Variants in ARHGAP23 observed in about 807,000 individuals in gnomAD.
ARHGAP23 encodes Rho GTPase activating protein 23, also known as rho GTPase-activating protein 23.
ARHGAP23 carries 34 observed loss-of-function variants against 136.3 expected under a neutral mutation model. That is an observed-to-expected ratio of 0.25 (90% CI 0.19 to 0.33). ARHGAP23 has a LOEUF of 0.33. Among genes scored for constraint, ARHGAP23 ranks in the 10% least tolerant of loss-of-function variants. The pLI is 1.00. For missense variants in ARHGAP23, 1,808 were observed against 2,139.0 expected (o/e 0.85, Z 3.05); for synonymous variants, 832 against 920.5 (o/e 0.90, Z 1.74).
intron 20 of ARHGAP23, among the ~76,000 whole-genome samples, chr17:38,496,415 A>C (rs2040394540): frequency 6.6e-6 from 1 of 152,128 alleles, no homozygotes; most frequent in South Asian, 2.1e-4. Flanking sequence ...TCAAGGGTAC[A>C]GTGAGCTAGG....
intron 20 of ARHGAP23, 176 bp downstream of exon 20, chr17:38,491,708 A>G: frequency 1.2e-6 from 1 of 811,938 alleles, no homozygotes; most frequent in South Asian, 1.9e-5. Flanking sequence ...ATTTCAAGGC[A>G]AGGCAGGAAT....
Position 38,510,295 on chromosome 17 carries a change from C to T in ARHGAP23, c.3799C>T (p.Arg1267Trp). ...DRSVCSGASG[R>W]RAGAGDEADD... ...CAGCGTGTGCTCGGGCGCTAGCGGT[C>T]GGCGGGCAGGGGCGGGGGATGAGGC... Residue 1267 changes from arginine (R) to tryptophan (W), a missense_variant, in exon 24 of 24, where the codon CGG (arginine) becomes TGG (tryptophan). Physicochemically the swap from Arg to Trp is moderately radical, Grantham distance 101. Around this residue, in one of 7 missense-constraint regions of ARHGAP23, gnomAD observed 506 missense variants for 455.8 expected, o/e 1.11. Coordinates refer to ENST00000622683, the MANE Select transcript of ARHGAP23 (RefSeq NM_001199417.2). This position sits in a 1 kb window ranked among gnomAD's most constrained non-coding sequence, Gnocchi z 4.6. The T allele has an allele frequency of 3.1e-6, 4 of 1,285,356 alleles. No individual in the cohort carries two copies. The highest frequency in any genetic ancestry group is 3.9e-6 in the Non-Finnish European group (4 of 1,015,830). 79.6% of individuals were successfully genotyped at this position (1,285,356 alleles called of 1,614,324 possible).
chr17:38,446,682 G>T (rs998409725), intron 1 of ARHGAP23, among the ~76,000 whole-genome samples: 12 of 151,234 alleles, frequency 7.9e-5, no homozygotes, highest in African/African-American at 2.9e-4. Context: ...CGCGCTCTTG[G>T]CTCACTGCAA....
At chr17:38,436,751 T>A (rs1427631513) in intron 1 of ARHGAP23, among the ~76,000 whole-genome samples, 1 of 152,170 alleles carries the variant, frequency 6.6e-6, no homozygotes, top group Non-Finnish European at 1.5e-5. Context: ...AGGGGCCCCC[T>A]GCCAAAAATA....
upstream of ARHGAP23, chr17:38,428,373 C>A: frequency 2.8e-6 from 1 of 357,504 alleles, no homozygotes; most frequent in Non-Finnish European, 4.5e-6. Flanking sequence ...GGGGGCGGAC[C>A]CCGGGGGGGG....
At chr17:38,439,031 C>A (rs1181828895) in intron 1 of ARHGAP23, among the ~76,000 whole-genome samples, 1 of 151,728 alleles carries the variant, frequency 6.6e-6, no homozygotes, top group East Asian at 1.9e-4. Flanking sequence ...CAAAAATTAG[C>A]TGGGTGTAGT....
intron 6 of ARHGAP23, 23 bp from the exon 7 acceptor site, chr17:38,466,144 C>T: frequency 1.4e-6 from 2 of 1,456,894 alleles, no homozygotes; most frequent in South Asian, 1.4e-5. Flanking sequence ...GCCCTGCTTA[C>T]CTGTCTCTGT....
chr17:38,464,080 C>T (rs1035896617), intron 6 of ARHGAP23, among the ~76,000 whole-genome samples: 1 of 152,190 alleles, frequency 6.6e-6, no homozygotes, highest in Non-Finnish European at 1.5e-5. Context: ...CACAACTACA[C>T]ACCCACGCCG....
intron 16 of ARHGAP23, among the ~76,000 whole-genome samples, chr17:38,483,366 A>G (rs1430214121): frequency 6.6e-6 from 1 of 152,240 alleles, no homozygotes; most frequent in South Asian, 2.1e-4. Context: ...CTGTGAAGGG[A>G]TCTGCAATCA....
intron 6 of ARHGAP23, among the ~76,000 whole-genome samples, chr17:38,464,634 C>T (rs1164042688): frequency 6.6e-6 from 1 of 152,236 alleles, no homozygotes. Context: ...TCTCAAGGCC[C>T]TGCCTGTACA....
intron 6 of ARHGAP23, among the ~76,000 whole-genome samples, chr17:38,465,847 G>A (rs530506209): frequency 1.3e-5 from 2 of 152,120 alleles, no homozygotes; most frequent in South Asian, 2.1e-4. Context: ...GCAGGCAGGC[G>A]GTGGAGGCCA....
intron 1 of ARHGAP23, among the ~76,000 whole-genome samples, chr17:38,456,579 G>A (rs1433290062): frequency 6.6e-6 from 1 of 152,168 alleles, no homozygotes; most frequent in African/African-American, 2.4e-5. Flanking sequence ...TGGACTAGGG[G>A]CAACATAGAG....
In ARHGAP23 at chr17:38,510,052, G is replaced by A; in HGVS notation, c.3556G>A (p.Gly1186Ser). Residue 1186 changes from glycine to serine, a missense_variant, in exon 24 of 24, where the codon GGC becomes AGC. Physicochemically the swap from Gly to Ser is moderately conservative, Grantham distance 56 (BLOSUM62 0). Transcript: ENST00000622683. This position sits in a 1 kb window ranked among gnomAD's most constrained non-coding sequence, Gnocchi z 4.6. Reference protein sequence around the residue: ...RKKRREARGLGSSTDDDSEQE... With the variant: ...RKKRREARGLSSSTDDDSEQE... ...GAAGCGGCGGGAGGCGCGGGGGCTG[G>A]GCAGCAGCACCGACGACGACTCGGA... 1 of 1,243,094 alleles carries A rather than the reference G, an allele frequency of 8.0e-7. No individual in the cohort carries two copies. Among genetic ancestry groups the A allele is most frequent in the Non-Finnish European group, 1.0e-6 (1 of 994,612 alleles). 77.0% of individuals were successfully genotyped at this position (1,243,094 alleles called of 1,614,324 possible).
chr17:38,464,232 CAG>C (rs921376218), intron 6 of ARHGAP23, among the ~76,000 whole-genome samples: 2 of 152,224 alleles, frequency 1.3e-5, no homozygotes, highest in African/African-American at 4.8e-5. Context: ...GCCTGCCACA[CAG>C]AGAGCGTGGC....
chr17:38,428,534 C>T lies in ARHGAP23; in HGVS notation c.49C>T (p.Pro17Ser), dbSNP rs1461422980. The change falls in exon 1 of 24, where the codon CCC becomes TCC. Residue 17 changes from proline (P) to serine (S), a missense_variant. By Grantham distance (74) the Pro-to-Ser change is moderately conservative (BLOSUM62 -1). Around this residue, in one of 7 missense-constraint regions of ARHGAP23, gnomAD observed 859 missense variants for 936.4 expected, o/e 0.92. Coordinates refer to ENST00000622683, the MANE Select transcript of ARHGAP23 (RefSeq NM_001199417.2). The stretch of plus-strand genomic sequence containing the variant: ...GGTCGGGATCCCGCCCCGCCCGGAG[C>T]CCCGGCCCCCACAGGTGAGGGTGCT... ...CLVGIPPRPE[P>S]RPPQLPLGPR... 6.9e-7 allele frequency: 1 copy of T among 1,452,390 alleles called. No homozygotes were observed. The highest frequency in any genetic ancestry group is 9.0e-7 in the Non-Finnish European group (1 of 1,105,474). The allele number at this position is 1,452,390 out of a possible 1,614,324, so 90.0% of individuals were successfully genotyped here.
At chr17:38,422,296 A>G (rs903681265) in intron 1 of ARHGAP23, among the ~76,000 whole-genome samples, 1 of 152,192 alleles carries the variant, frequency 6.6e-6, no homozygotes, top group African/African-American at 2.4e-5. Context: ...GTTTATAAAG[A>G]GCTTGGCACA....
intron 1 of ARHGAP23, among the ~76,000 whole-genome samples, chr17:38,432,497 T>A (rs937285301): frequency 6.6e-6 from 1 of 152,094 alleles, no homozygotes. Context: ...CTGGCCAACA[T>A]GGTGAAACAC....
intron 1 of ARHGAP23, among the ~76,000 whole-genome samples, chr17:38,434,139 T>C (rs2038742256): frequency 1.3e-5 from 2 of 152,126 alleles, no homozygotes; most frequent in Non-Finnish European, 1.5e-5. Context: ...TTTGTCATCA[T>C]CCTGGGTGCC....
chr17:38,466,270 C>T lies in ARHGAP23; in HGVS notation c.587C>T (p.Ala196Val). 1 of 1,548,622 alleles carries T rather than the reference C, an allele frequency of 6.5e-7. No homozygotes were observed. The part of the protein sequence containing the change: ...PPICYPRKTY[A>V]PPARASTRAT... The stretch of plus-strand genomic sequence containing the variant: ...ATCTGCTACCCCCGCAAGACCTACG[C>T]CCCTCCTGCCCGGGCCTCCACCAGG... The change falls in exon 7 of 24, where the codon GCC (alanine) becomes GTC (valine). Residue 196 changes from alanine to valine, a missense_variant. Coordinates refer to ENST00000622683, the MANE Select transcript of ARHGAP23 (RefSeq NM_001199417.2).
Sources: allele counts gnomAD v4.1 joint callset (sites outside exome capture counted in the v4.1 genomes callset), GRCh38; gene constraint gnomAD v4.1.1; regional missense constraint gnomAD v4.1.1; non-coding constraint Gnocchi (gnomAD v3.1); transcripts MANE v1.5; gene names NCBI Gene and HGNC (gene_info 2026-07-23, HGNC 2026-07-21).